Variants in OPCML observed in about 807,000 individuals in gnomAD.
The protein encoded by OPCML is opioid-binding protein/cell adhesion molecule.
OPCML carries 13 observed loss-of-function variants against 37.8 expected under a neutral mutation model. The ratio of observed to expected loss-of-function variants is 0.34; its 90% CI spans 0.22 to 0.55. The LOEUF is 0.55. Among genes scored for constraint, OPCML ranks in the 20% least tolerant of loss-of-function variants. The pLI is 0.91. For synonymous variants in OPCML, 176 were observed against 168.8 expected (o/e 1.04, Z -0.33); for missense variants, 341 against 435.6 (o/e 0.78, Z 1.93).
chr11:133,188,616 T>C (rs1938185178), intron 1 of OPCML, among the ~76,000 whole-genome samples: 1 of 152,200 alleles, frequency 6.6e-6, no homozygotes, highest in African/African-American at 2.4e-5. Context: ...AAAATTATTG[T>C]TTTAAAATGT....
chr11:132,435,781 C>T (rs987251645), intron 7 of OPCML, among the ~76,000 whole-genome samples: 3 of 152,230 alleles, frequency 2.0e-5, no homozygotes, highest in African/African-American at 7.2e-5. Context: ...TAAAATTACA[C>T]AGTTGAATTG....
At chr11:132,646,741 G>A (rs962494078) in intron 3 of OPCML, among the ~76,000 whole-genome samples, 2 of 152,148 alleles carry the variant, frequency 1.3e-5, no homozygotes, top group East Asian at 1.9e-4. Flanking sequence ...TGCGAATTAC[G>A]AGAAGAGGAA....
intron 1 of OPCML, among the ~76,000 whole-genome samples, chr11:133,478,508 C>T (rs1389134669): frequency 6.6e-6 from 1 of 152,118 alleles, no homozygotes; most frequent in Non-Finnish European, 1.5e-5. Flanking sequence ...CAGCATCCTC[C>T]ATGTCCCAAC....
chr11:132,706,783 C>T (rs1286140231), intron 2 of OPCML, among the ~76,000 whole-genome samples: 1 of 152,188 alleles, frequency 6.6e-6, no homozygotes, highest in East Asian at 1.9e-4. Context: ...AGTGTGCCCA[C>T]ATAACTGAAT....
chr11:132,849,451 C>T (rs916701208), intron 2 of OPCML, among the ~76,000 whole-genome samples: 1 of 152,186 alleles, frequency 6.6e-6, no homozygotes, highest in Non-Finnish European at 1.5e-5. Context: ...CGTGAAGTGG[C>T]AGCATCTTCT....
chr11:133,406,379 A>T (rs1021488353), intron 1 of OPCML, among the ~76,000 whole-genome samples: 1 of 152,148 alleles, frequency 6.6e-6, no homozygotes, highest in African/African-American at 2.4e-5. Context: ...AGAAAGGGAG[A>T]ATAAGAACCA....
At chr11:132,625,293 A>G (rs1396806473) in intron 3 of OPCML, among the ~76,000 whole-genome samples, 44 of 152,134 alleles carry the variant, frequency 2.9e-4, no homozygotes, top group Admixed American at 2.9e-3. Context: ...CCAGAAAAGG[A>G]GCACCAATGT....
chr11:132,640,677 TTGG>T (rs1368459096), intron 3 of OPCML, among the ~76,000 whole-genome samples: 1 of 152,152 alleles, frequency 6.6e-6, no homozygotes, highest in Non-Finnish European at 1.5e-5. Flanking sequence ...TGGATACATT[TTGG>T]TGGTGAAGAC....
At chr11:132,485,144 A>T (rs1195690126) in intron 4 of OPCML, among the ~76,000 whole-genome samples, 1 of 152,132 alleles carries the variant, frequency 6.6e-6, no homozygotes, top group African/African-American at 2.4e-5. Flanking sequence ...GAGCTGTCCA[A>T]ACTGACCTAA....
chr11:132,703,861 C>T lies in OPCML; in HGVS notation c.147-46542G>A, dbSNP rs553341498. Among the ~76,000 whole-genome samples the T allele has an allele frequency of 8.5e-5, 13 of 152,244 alleles. No homozygotes were observed. The South Asian group carries it at 2.7e-3, about 32-fold the overall frequency. On this transcript the variant is annotated intron_variant, in intron 2 of 7. Coordinates refer to ENST00000524381, the MANE Select transcript of OPCML (RefSeq NM_001012393.5). Reference sequence around the variant, plus strand: ...CCTCAGCCTGAGTCCATGAATCTAGCCTGGTGCTGAGGCAGGCCTGGCATC... The same window carrying T: ...CCTCAGCCTGAGTCCATGAATCTAGTCTGGTGCTGAGGCAGGCCTGGCATC...
chr11:133,396,752 C>A (rs1038926338), intron 1 of OPCML, among the ~76,000 whole-genome samples: 1 of 152,156 alleles, frequency 6.6e-6, no homozygotes, highest in Non-Finnish European at 1.5e-5. Context: ...GCACACCCAC[C>A]ATTTTCTCTT....
intron 4 of OPCML, among the ~76,000 whole-genome samples, chr11:132,486,442 G>GC (rs986874537): frequency 4.6e-5 from 7 of 151,670 alleles, no homozygotes; most frequent in African/African-American, 1.7e-4. Flanking sequence ...CTTCAGAACA[G>GC]TTTTTTTTAA....
intron 2 of OPCML, among the ~76,000 whole-genome samples, chr11:132,756,247 T>C (rs1946039839): frequency 6.6e-6 from 1 of 152,184 alleles, no homozygotes; most frequent in South Asian, 2.1e-4. Flanking sequence ...ATGCTAGTGA[T>C]GCTCCCAACA....
At chr11:133,250,465 T>G (rs1592141194) in intron 1 of OPCML, among the ~76,000 whole-genome samples, 3 of 103,678 alleles carry the variant, frequency 2.9e-5, no homozygotes, top group East Asian at 3.0e-4. Flanking sequence ...GAAGGAAAGA[T>G]GGAAGGAAGG....
chr11:132,865,181 C>T (rs1038112931), intron 2 of OPCML, among the ~76,000 whole-genome samples: 1 of 152,240 alleles, frequency 6.6e-6, no homozygotes, highest in East Asian at 1.9e-4. Flanking sequence ...TTCACACACA[C>T]ATACGCGCGC....
intron 1 of OPCML, among the ~76,000 whole-genome samples, chr11:133,186,650 T>C (rs1938089959): frequency 6.6e-6 from 1 of 152,322 alleles, no homozygotes; most frequent in South Asian, 2.1e-4. Context: ...ATTCAACAGA[T>C]ACTTAGGACA....
intron 1 of OPCML, among the ~76,000 whole-genome samples, chr11:133,048,440 T>C (rs1211790721): frequency 6.6e-6 from 1 of 152,114 alleles, no homozygotes; most frequent in Non-Finnish European, 1.5e-5. Flanking sequence ...CGTATGAGAA[T>C]GCAGCCAACT....
chr11:132,682,149 C>T (rs1942972904), intron 2 of OPCML, among the ~76,000 whole-genome samples: 1 of 152,132 alleles, frequency 6.6e-6, no homozygotes, highest in South Asian at 2.1e-4. Flanking sequence ...CGCTCACCCA[C>T]GCTCCTGCAC....
intron 1 of OPCML, among the ~76,000 whole-genome samples, chr11:133,463,257 C>T (rs555764100): frequency 6.0e-5 from 9 of 150,838 alleles, no homozygotes; most frequent in South Asian, 4.2e-4. Context: ...GAGAGGGAAT[C>T]GGGAAATGAC....
Sources: gnomAD v4.1 joint callset for allele counts (sites outside exome capture counted in the v4.1 genomes callset) on GRCh38, gnomAD v4.1.1 for gene constraint, MANE v1.5 for transcripts, NCBI Gene and HGNC (gene_info 2026-07-23, HGNC 2026-07-21) for gene names.